Variants in MRPS28 observed in about 807,000 individuals in gnomAD.
MRPS28 encodes the protein mitochondrial ribosomal protein S28.
MRPS28 carries 7 observed loss-of-function variants against 10.8 expected under a neutral mutation model. The ratio of observed to expected loss-of-function variants is 0.65; its 90% CI spans 0.37 to 1.22. The LOEUF is 1.22. Ranked by LOEUF, MRPS28 falls within the 50% of genes most tolerant of loss-of-function variation. MRPS28 has a pLI of 0.02. For missense variants in MRPS28, 265 were observed against 232.9 expected (o/e 1.14, Z -0.90); for synonymous variants, 121 against 93.3 (o/e 1.30, Z -1.71).
chr8:80,025,757 A>G (rs1809480053), intron 1 of MRPS28, among the ~76,000 whole-genome samples: 1 of 152,160 alleles, frequency 6.6e-6, no homozygotes, highest in Non-Finnish European at 1.5e-5. Context: ...ACATAGGGGG[A>G]AAAGGAGATA....
intron 2 of MRPS28, among the ~76,000 whole-genome samples, chr8:79,926,096 A>C (rs76884506): frequency 0.015 from 2,256 of 152,254 alleles, 61 homozygotes; most frequent in African/African-American, 0.051. Flanking sequence ...TAAAAAACTA[A>C]ATATTTTTTG....
intron 2 of MRPS28, among the ~76,000 whole-genome samples, chr8:79,979,915 C>CCAA (rs1807907109): frequency 6.4e-5 from 2 of 31,336 alleles, no homozygotes; most frequent in Non-Finnish European, 1.2e-4. Flanking sequence ...GATTCTCACG[C>CCAA]AAAAAAAAAA....
intron 2 of MRPS28, among the ~76,000 whole-genome samples, chr8:79,988,264 G>C (rs1345092825): frequency 8.9e-6 from 1 of 112,432 alleles, no homozygotes; most frequent in Non-Finnish European, 1.7e-5. Context: ...ACACTCTGGG[G>C]ACTATCGTGG....
intron 2 of MRPS28, chr8:79,957,775 T>C (rs764041561): frequency 6.6e-6 from 1 of 152,100 alleles, no homozygotes; most frequent in Non-Finnish European, 1.5e-5. Context: ...CAGTACCCAG[T>C]ATACACTAGA....
chr8:79,952,676 C>A (rs1404411860), intron 2 of MRPS28, among the ~76,000 whole-genome samples: 1 of 152,174 alleles, frequency 6.6e-6, no homozygotes, highest in Non-Finnish European at 1.5e-5. Context: ...ACGCCATCAA[C>A]AGAGTTCCTT....
At chr8:79,982,627 C>T (rs904994711) in intron 2 of MRPS28, among the ~76,000 whole-genome samples, 1 of 152,170 alleles carries the variant, frequency 6.6e-6, no homozygotes, top group Admixed American at 6.5e-5. Flanking sequence ...GCACCTGGCT[C>T]GGAGGGTCCT....
chr8:79,959,951 C>A (rs1410295535), intron 2 of MRPS28, among the ~76,000 whole-genome samples: 3 of 152,116 alleles, frequency 2.0e-5, no homozygotes, highest in Non-Finnish European at 4.4e-5. Context: ...ATTTAAACGT[C>A]TCAACACTGC....
intron 2 of MRPS28, among the ~76,000 whole-genome samples, chr8:79,926,263 T>C (rs1223239975): frequency 1.3e-5 from 2 of 152,184 alleles, no homozygotes; most frequent in Non-Finnish European, 2.9e-5. Flanking sequence ...GGATACGTTT[T>C]GGAGTATGCA....
intron 2 of MRPS28, among the ~76,000 whole-genome samples, chr8:79,952,097 T>C (rs1807094108): frequency 1.3e-5 from 2 of 152,210 alleles, no homozygotes; most frequent in Non-Finnish European, 2.9e-5. Flanking sequence ...AGAATGCCCA[T>C]TCCTTTAAGA....
At chr8:79,940,793 A>C (rs1806745279) in intron 2 of MRPS28, among the ~76,000 whole-genome samples, 1 of 152,252 alleles carries the variant, frequency 6.6e-6, no homozygotes, top group African/African-American at 2.4e-5. Flanking sequence ...TACTAGACAA[A>C]AGAAATGGAG....
At chr8:80,008,910 C>T (rs991943108) in intron 1 of MRPS28, among the ~76,000 whole-genome samples, 3 of 152,214 alleles carry the variant, frequency 2.0e-5, no homozygotes, top group Non-Finnish European at 4.4e-5. Flanking sequence ...TTTGACCCAG[C>T]CATCCCATTA....
chr8:79,920,713 A>G (rs1810069225), intron 2 of MRPS28, among the ~76,000 whole-genome samples: 1 of 152,170 alleles, frequency 6.6e-6, no homozygotes, highest in African/African-American at 2.4e-5. Context: ...AGTAGATTGC[A>G]AAAATTTTCT....
intron 2 of MRPS28, among the ~76,000 whole-genome samples, chr8:79,952,106 G>T (rs1457183682): frequency 6.6e-6 from 1 of 152,134 alleles, no homozygotes; most frequent in Non-Finnish European, 1.5e-5. Flanking sequence ...ATTCCTTTAA[G>T]ATGTCTTGAA....
At chr8:80,026,219 GTT>G (rs1294958376) in intron 1 of MRPS28, among the ~76,000 whole-genome samples, 5 of 152,264 alleles carry the variant, frequency 3.3e-5, no homozygotes, top group African/African-American at 1.2e-4. Context: ...GGTAAAGCAA[GTT>G]TTTTCACAAG....
At chr8:79,967,337 T>C (rs1416320267) in intron 2 of MRPS28, among the ~76,000 whole-genome samples, 1 of 152,196 alleles carries the variant, frequency 6.6e-6, no homozygotes, top group African/African-American at 2.4e-5. Flanking sequence ...ATATGGCTAC[T>C]CAAAGCCCTG....
chr8:79,985,016 T>C (rs1031637247), intron 2 of MRPS28, among the ~76,000 whole-genome samples: 4 of 152,114 alleles, frequency 2.6e-5, no homozygotes, highest in Non-Finnish European at 5.9e-5. Context: ...ATTGACCACA[T>C]AGTTGGAAGT....
intron 1 of MRPS28, 103 bp downstream of exon 1, chr8:80,029,933 C>T: frequency 2.0e-6 from 3 of 1,536,890 alleles, no homozygotes; most frequent in Non-Finnish European, 2.6e-6. Context: ...GGCCCCGGAC[C>T]TCAGCTCCCC....
rs193239146 is a variant in MRPS28 at position 79,991,179 on chromosome 8, C to T, written c.395+11820G>A. Among the ~76,000 whole-genome samples the T allele has an allele frequency of 5.7e-4, 87 of 152,242 alleles. 2 individuals are homozygous for T. In the East Asian group the frequency reaches 0.016, roughly 27 times the overall value. On this transcript the variant is annotated intron_variant, in intron 2 of 2. Transcript: ENST00000276585. ...GAAATGAGTCTATTCTGACTCTTGG[C>T]TTTCTGGACTATATGGCTGGATAGA...
In MRPS28 at chr8:80,015,192, T is replaced by C. The variant is rs145314125; in HGVS notation, c.214-12012A>G. Among the ~76,000 whole-genome samples, 11 of 152,362 alleles carry C rather than the reference T, an allele frequency of 7.2e-5. 1 individual carries two copies. Among genetic ancestry groups the C allele is most frequent in the African/African-American group, 2.6e-4 (11 of 41,592 alleles). On this transcript the variant is annotated intron_variant, in intron 1 of 2. Transcript: ENST00000276585. ...CAGTGAATATAGGAGAAAAATCCCC[T>C]TGTACTTCAGACGGCAAGTTCTGTG...
Sources: allele counts gnomAD v4.1 joint callset (sites outside exome capture counted in the v4.1 genomes callset), GRCh38; gene constraint gnomAD v4.1.1; transcripts MANE v1.5; gene names NCBI Gene and HGNC (gene_info 2026-07-23, HGNC 2026-07-21).